PNP: variants seen among roughly 807,000 people sequenced by gnomAD.
PNP encodes the protein HEL-S-156an.
PNP carries 18 observed loss-of-function variants against 26.8 expected under a neutral mutation model. The observed-to-expected ratio is 0.67, with a 90% confidence interval of 0.46 to 1.00. The LOEUF is 1.00. PNP is among the 50% of genes least tolerant of loss of function. PNP has a pLI of 0.00. For missense variants in PNP, 320 were observed against 362.9 expected (o/e 0.88, Z 0.96); for synonymous variants, 116 against 124.8 (o/e 0.93, Z 0.47).
intron 2 of PNP, chr14:20,474,241 A>T: frequency 2.0e-6 from 1 of 503,202 alleles, no homozygotes; most frequent in Non-Finnish European, 3.6e-6. Flanking sequence ...CATGCTGAAC[A>T]TGCTGAACGC....
chr14:20,476,586 T>C lies in PNP; in HGVS notation c.855T>C (p.Pro285=). 1.9e-6 allele frequency: 3 copies of C among 1,614,158 alleles called. No homozygotes were observed. The highest frequency in any genetic ancestry group is 2.5e-6 in the Non-Finnish European group (3 of 1,180,004). Residue 285 remains proline, a synonymous_variant, in exon 6 of 6, where the codon CCT becomes CCC. Coordinates refer to ENST00000361505, the MANE Select transcript of PNP (RefSeq NM_000270.4). ...TTCTTATGGCCAGCATTCCACTCCCTGACAAAGCCAGTTGACCTGCCTTGG... is the reference window on the plus strand; with the variant it reads ...TTCTTATGGCCAGCATTCCACTCCCCGACAAAGCCAGTTGACCTGCCTTGG... The part of the protein sequence containing the change: ...VSILMASIPL[P]DKAS
Position 20,476,746 on chromosome 14 carries a change from C to T in PNP, c.*145C>T. ...TGTCCTTCACCTTTCCCACTTTCTT[C>T]TACCAGACCCTTCTGGTGCCAGATC... On this transcript the variant is annotated 3_prime_UTR_variant, in exon 6 of 6. Transcript: ENST00000361505. The T allele has an allele frequency of 1.4e-6, 1 of 721,450 alleles. No homozygotes were observed. Among genetic ancestry groups the T allele is most frequent in the East Asian group, 2.7e-5 (1 of 37,170 alleles). 44.7% of individuals were successfully genotyped at this position (721,450 alleles called of 1,614,324 possible). A position where few individuals can be genotyped will look rare whatever the true frequency, so the allele number is the denominator to read the frequency against.
rs1490096572 is a variant in PNP, at chr14:20,476,434, G to A, written c.703G>A (p.Val235Ile). 3 of 1,614,252 alleles carry A rather than the reference G, an allele frequency of 1.9e-6. No homozygotes were observed. Among genetic ancestry groups the A allele is most frequent in the South Asian group, 1.1e-5 (1 of 91,082 alleles). ...CGTTGCACGGCACTGTGGACTTCGAGTCTTTGGCTTCTCACTCATCACTAA... is the reference window on the plus strand; with the variant it reads ...CGTTGCACGGCACTGTGGACTTCGAATCTTTGGCTTCTCACTCATCACTAA... ...VIVARHCGLR[V>I]FGFSLITNKV... Residue 235 changes from valine to isoleucine, a missense_variant, in exon 6 of 6, where the codon GTC (valine) becomes ATC (isoleucine). Coordinates refer to ENST00000361505, the MANE Select transcript of PNP (RefSeq NM_000270.4).
rs754734713 is a variant in PNP at position 20,474,489 on chromosome 14, C to A, written c.199C>A (p.Arg67=). The part of the protein sequence containing the change: ...PRSTVPGHAG[R]LVFGFLNGRA... ...GTATACAGTGCCAGGTCATGCTGGC[C>A]GACTGGTGTTTGGGTTCCTGAATGG... Residue 67 remains arginine (R), a synonymous_variant, in exon 3 of 6, where the codon CGA becomes AGA. Transcript: ENST00000361505. 32 of 1,613,932 alleles carry A rather than the reference C, an allele frequency of 2.0e-5. No individual in the cohort carries two copies. The highest frequency in any genetic ancestry group is 2.7e-5 in the Non-Finnish European group (32 of 1,179,976).
At position 20,476,652 on chromosome 14, in the gene PNP, A is replaced by G; in HGVS notation, c.*51A>G. 6.9e-7 allele frequency: 1 copy of G among 1,458,314 alleles called. No homozygotes were observed. The highest frequency in any genetic ancestry group is 9.6e-7 in the Non-Finnish European group (1 of 1,039,338). 90.3% of individuals were successfully genotyped at this position (1,458,314 alleles called of 1,614,324 possible). ...CCCACACAAGACCCAAGTAGCTGCTACCTTCTTTGGCCCCTTGCTGGAGTC... is the reference window on the plus strand; with the variant it reads ...CCCACACAAGACCCAAGTAGCTGCTGCCTTCTTTGGCCCCTTGCTGGAGTC... On this transcript the variant is annotated 3_prime_UTR_variant, in exon 6 of 6. Transcript: ENST00000361505.
rs1394367786 is a variant in PNP at position 20,476,064 on chromosome 14, C to T, written c.653-320C>T. Among the ~76,000 whole-genome samples the T allele has an allele frequency of 2.6e-5, 4 of 152,324 alleles. No individual in the cohort carries two copies. In the East Asian group the frequency reaches 7.7e-4, roughly 29 times the overall value. ...CTCTAGCTCACTACAGTTCTGACTG[C>T]CTGGGCTCAAACAATCCTCCCACCT... On this transcript the variant is annotated intron_variant, in intron 5 of 5. Transcript: ENST00000361505.
intron 5 of PNP, among the ~76,000 whole-genome samples, chr14:20,475,918 T>C (rs1347408836): frequency 6.6e-6 from 1 of 152,186 alleles, no homozygotes; most frequent in Non-Finnish European, 1.5e-5. Context: ...AGGATTGTAT[T>C]GGTAATTTTA....
intron 1 of PNP, 53 bp downstream of exon 1, chr14:20,469,588 C>A: frequency 6.4e-7 from 1 of 1,552,078 alleles, no homozygotes. Flanking sequence ...GGTGCTGTGA[C>A]CCGGGAACCT....
chr14:20,475,205 C>T lies in PNP; in HGVS notation c.605C>T (p.Thr202Ile). ...YVMVAGPSFETVAECRVLQKL... is the reference protein window; with the variant it reads ...YVMVAGPSFEIVAECRVLQKL... Reference sequence around the variant, plus strand: ...ATGGTGGCAGGCCCCAGCTTTGAGACTGTGGCAGAATGTCGTGTGCTGCAG... The same window carrying T: ...ATGGTGGCAGGCCCCAGCTTTGAGATTGTGGCAGAATGTCGTGTGCTGCAG... The change falls in exon 5 of 6, where the codon ACT becomes ATT. Residue 202 changes from threonine to isoleucine, a missense_variant. Thr to Ile is a moderately conservative substitution (Grantham distance 89, BLOSUM62 -1). Transcript: ENST00000361505. 1.2e-6 allele frequency: 2 copies of T among 1,613,944 alleles called. No individual in the cohort carries two copies. The highest frequency in any genetic ancestry group is 1.7e-6 in the Non-Finnish European group (2 of 1,179,896).
At position 20,474,249 on chromosome 14, in the gene PNP, C is replaced by T. The variant is rs904308206; in HGVS notation, c.182-223C>T. The T allele has an allele frequency of 3.9e-5, 20 of 513,684 alleles. No individual in the cohort carries two copies. The East Asian group carries it at 4.3e-4, about 11-fold the overall frequency. 31.8% of individuals were successfully genotyped at this position (513,684 alleles called of 1,614,324 possible). A position where few individuals can be genotyped will look rare whatever the true frequency, so the allele number is the denominator to read the frequency against. ...GTGTGTTCATGCTGAACATGCTGAA[C>T]GCACCCCATATCTCTAATCTTGGGT... On this transcript the variant is annotated intron_variant, in intron 2 of 5. Transcript: ENST00000361505.
intron 2 of PNP, chr14:20,473,361 C>T (rs1034404996): frequency 1.5e-4 from 23 of 152,150 alleles, no homozygotes; most frequent in African/African-American, 5.3e-4. Context: ...AGGACTGTTC[C>T]GTGGGTCATA....
At position 20,476,487 on chromosome 14, in the gene PNP, G is replaced by A. The variant is rs758159693; in HGVS notation, c.756G>A (p.Leu252=). 3 of 1,614,048 alleles carry A rather than the reference G, an allele frequency of 1.9e-6. No individual in the cohort carries two copies. Among genetic ancestry groups the A allele is most frequent in the African/African-American group, 2.7e-5 (2 of 74,916 alleles). Residue 252 remains leucine, a synonymous_variant, in exon 6 of 6, where the codon CTG becomes CTA. Coordinates refer to ENST00000361505, the MANE Select transcript of PNP (RefSeq NM_000270.4). ...TNKVIMDYES[L]EKANHEEVLA... ...AGGTCATCATGGATTATGAAAGCCT[G>A]GAGAAGGCCAACCATGAAGAAGTCT... is the stretch of plus-strand genomic sequence containing the variant.
chr14:20,471,310 A>G (rs1881983192), intron 1 of PNP, among the ~76,000 whole-genome samples: 1 of 150,256 alleles, frequency 6.7e-6, no homozygotes, highest in African/African-American at 2.5e-5. Flanking sequence ...CGGCCTCCCA[A>G]AGTGCTGGGG....
chr14:20,476,438 T>C lies in PNP; in HGVS notation c.707T>C (p.Phe236Ser). 1 of 1,614,244 alleles carries C rather than the reference T, an allele frequency of 6.2e-7. No individual in the cohort carries two copies. Among genetic ancestry groups the C allele is most frequent in the Non-Finnish European group, 8.5e-7 (1 of 1,180,040 alleles). ...GCACGGCACTGTGGACTTCGAGTCT[T>C]TGGCTTCTCACTCATCACTAACAAG... ...IVARHCGLRV[F>S]GFSLITNKVI... The change falls in exon 6 of 6, where the codon TTT (phenylalanine) becomes TCT (serine). Residue 236 changes from phenylalanine (F) to serine (S), a missense_variant. By Grantham distance (155) the Phe-to-Ser change is radical. Coordinates refer to ENST00000361505, the MANE Select transcript of PNP (RefSeq NM_000270.4).
At chr14:20,476,259 A>G in intron 5 of PNP, 125 bp from the exon 6 acceptor site, 1 of 817,634 alleles carries the variant, frequency 1.2e-6, no homozygotes, top group South Asian at 1.4e-5. Context: ...GGTGTGAACC[A>G]CTGCACCCGG....
chr14:20,471,338 C>G (rs1300452020), intron 1 of PNP, among the ~76,000 whole-genome samples: 1 of 151,466 alleles, frequency 6.6e-6, no homozygotes, highest in Non-Finnish European at 1.5e-5. Context: ...CATGAGCCAC[C>G]GCGCCCAGCC....
Position 20,476,612 on chromosome 14 carries a change from A to T in PNP, c.*11A>T, listed in dbSNP as rs771220552. On this transcript the variant is annotated 3_prime_UTR_variant, in exon 6 of 6. Transcript: ENST00000361505. ...GACAAAGCCAGTTGACCTGCCTTGG[A>T]GTCGTCTGGCATCTCCCACACAAGA... 2 of 1,611,726 alleles carry T rather than the reference A, an allele frequency of 1.2e-6. No homozygotes were observed. Among genetic ancestry groups the T allele is most frequent in the South Asian group, 2.2e-5 (2 of 91,004 alleles).
At chr14:20,472,767 G>A (rs1042122390) in intron 2 of PNP, 1 of 385,662 alleles carries the variant, frequency 2.6e-6, no homozygotes, top group Non-Finnish European at 4.7e-6. Flanking sequence ...TTTGGTTTAC[G>A]TAATTTCTCA....
At position 20,472,486 on chromosome 14, in the gene PNP, A is replaced by C. The variant is rs1392720731; in HGVS notation, c.181+9A>C. On this transcript the variant is annotated intron_variant, in intron 2 of 5. Coordinates refer to ENST00000361505, the MANE Select transcript of PNP (RefSeq NM_000270.4). ...CTTTCCCCGAAGTACAGGTACTGGC[A>C]AGGGAAAGTGGGGAATGGGACTGAG... 1 of 1,612,812 alleles carries C rather than the reference A, an allele frequency of 6.2e-7. No homozygotes were observed. Among genetic ancestry groups the C allele is most frequent in the Admixed American group, 1.7e-5 (1 of 59,980 alleles).
Sources: allele counts gnomAD v4.1 joint callset (sites outside exome capture counted in the v4.1 genomes callset), GRCh38; gene constraint gnomAD v4.1.1; transcripts MANE v1.5; gene names NCBI Gene and HGNC (gene_info 2026-07-23, HGNC 2026-07-21).